Variants in PCLO observed in about 807,000 individuals in gnomAD.
PCLO encodes the protein piccolo presynaptic cytomatrix protein.
PCLO carries 82 observed loss-of-function variants against 427.5 expected under a neutral mutation model. The ratio of observed to expected loss-of-function variants is 0.19; its 90% confidence interval spans 0.16 to 0.23. The LOEUF (loss-of-function observed/expected upper bound fraction) is 0.23. Ranked by LOEUF, PCLO falls within the 10% of genes least tolerant of loss-of-function variation. The pLI is 1.00. For missense variants in PCLO, 6,239 were observed against 6,115.9 expected (o/e 1.02, Z -0.67); for synonymous variants, 2,357 against 2,155.4 (o/e 1.09, Z -2.59).
intron 3 of PCLO, among the ~76,000 whole-genome samples, chr7:83,045,790 A>G (rs578052276): frequency 6.6e-6 from 1 of 152,260 alleles, no homozygotes; most frequent in East Asian, 1.9e-4. Flanking sequence ...ATACTGCAAA[A>G]GAGGCAGACC....
rs139400607 is a variant in PCLO at position 83,052,055 on chromosome 7, T to TAAAAGTA, written c.3300+82188_3300+82194dup. 9.1e-3 allele frequency among the ~76,000 whole-genome samples: 1,377 copies of TAAAAGTA among 151,864 alleles called. 27 individuals carry two copies. The highest frequency in any genetic ancestry group is 0.031 in the African/African-American group (1,302 of 41,436). ...ATAACCCAAAAACAGATCAAAGACC[T>TAAAAGTA]AAAAGTAAAATGTAAAATGATAAAA... On this transcript the variant is annotated intron_variant, in intron 3 of 24. Coordinates refer to ENST00000333891, the MANE Select transcript of PCLO (RefSeq NM_033026.6).
intron 9 of PCLO, among the ~76,000 whole-genome samples, chr7:82,880,172 G>T (rs962000500): frequency 4.3e-4 from 66 of 152,044 alleles, no homozygotes; most frequent in African/African-American, 1.5e-3. Context: ...TTAAAAAATA[G>T]CTAAAAATTA....
chr7:83,135,915 T>C (rs978474686), intron 2 of PCLO, among the ~76,000 whole-genome samples: 2 of 151,826 alleles, frequency 1.3e-5, no homozygotes, highest in Non-Finnish European at 2.9e-5. Flanking sequence ...CTGACCAACA[T>C]AGTGAAACCC....
chr7:82,974,635 T>A (rs1795976359), intron 3 of PCLO, among the ~76,000 whole-genome samples: 1 of 152,182 alleles, frequency 6.6e-6, no homozygotes, highest in African/African-American at 2.4e-5. Context: ...GATAGCTATT[T>A]ATGTATTATA....
intron 6 of PCLO, among the ~76,000 whole-genome samples, chr7:82,929,355 A>G (rs1794788817): frequency 6.6e-6 from 1 of 152,188 alleles, no homozygotes; most frequent in African/African-American, 2.4e-5. Flanking sequence ...TAGAGGCAGT[A>G]TATAACTTAG....
At chr7:83,122,110 C>A in intron 3 of PCLO, among the ~76,000 whole-genome samples, 1 of 151,970 alleles carries the variant, frequency 6.6e-6, no homozygotes, top group Non-Finnish European at 1.5e-5. Flanking sequence ...ATTCAAGATA[C>A]CTCATGACAA....
At chr7:82,996,599 T>A (rs1787620715) in intron 3 of PCLO, among the ~76,000 whole-genome samples, 1 of 152,074 alleles carries the variant, frequency 6.6e-6, no homozygotes, top group South Asian at 2.1e-4. Context: ...ATAGCCCATT[T>A]GTAAGCCCTG....
At chr7:83,131,371 A>C (rs1791567935) in intron 3 of PCLO, among the ~76,000 whole-genome samples, 1 of 152,082 alleles carries the variant, frequency 6.6e-6, no homozygotes, top group South Asian at 2.1e-4. Context: ...ATGAGACAGG[A>C]AACAACCTTA....
At chr7:83,094,200 A>ATTTTTT (rs61624053) in intron 3 of PCLO, among the ~76,000 whole-genome samples, 1 of 107,890 alleles carries the variant, frequency 9.3e-6, no homozygotes, top group Non-Finnish European at 1.9e-5. Context: ...TTTGGGACTG[A>ATTTTTT]TTTTTTTTTC....
At chr7:83,076,210 T>A (rs759167003) in intron 3 of PCLO, among the ~76,000 whole-genome samples, 31 of 152,112 alleles carry the variant, frequency 2.0e-4, no homozygotes, top group Non-Finnish European at 3.5e-4. Flanking sequence ...TCTCATAATT[T>A]ATTCTTTCTA....
At chr7:83,047,790 C>T (rs1356616336) in intron 3 of PCLO, among the ~76,000 whole-genome samples, 5 of 152,044 alleles carry the variant, frequency 3.3e-5, no homozygotes, top group African/African-American at 9.7e-5. Context: ...CTCAAAGTCA[C>T]ATATGAATAA....
chr7:83,057,713 C>T lies in PCLO; in HGVS notation c.3300+76537G>A, dbSNP rs972884158. 1.6e-4 allele frequency among the ~76,000 whole-genome samples: 24 copies of T among 151,756 alleles called. No individual in the cohort carries two copies. The East Asian group carries it at 2.3e-3, about 15-fold the overall frequency. On this transcript the variant is annotated intron_variant, in intron 3 of 24. Coordinates refer to ENST00000333891, the MANE Select transcript of PCLO (RefSeq NM_033026.6). ...TATGATCTTATACCTACATCACGAC[C>T]GATCTATATACTTTACTTGAAACAT...
chr7:83,054,678 A>C (rs1384770340), intron 3 of PCLO, among the ~76,000 whole-genome samples: 1 of 152,038 alleles, frequency 6.6e-6, no homozygotes, highest in Non-Finnish European at 1.5e-5. Flanking sequence ...TTTACATAGT[A>C]AACCATCAGC....
In PCLO at chr7:83,071,724, CA is replaced by C. The variant is rs1478742313; in HGVS notation, c.3300+62525del. Among the ~76,000 whole-genome samples the C allele has an allele frequency of 1.8e-4, 28 of 152,132 alleles. 1 individual carries two copies. Among genetic ancestry groups the C allele is most frequent in the South Asian group, 1.5e-3 (7 of 4,816 alleles). On this transcript the variant is annotated intron_variant, in intron 3 of 24. Coordinates refer to ENST00000333891, the MANE Select transcript of PCLO (RefSeq NM_033026.6). ...TTCCGTGGGTGAGAGTGGGGAAGAA[CA>C]AAAGTTAGAAGGATATATATTTTTT... is the stretch of plus-strand genomic sequence containing the variant.
In PCLO at chr7:82,756,665, G is replaced by T. The variant is rs1202638264; in HGVS notation, c.*1910C>A. Reference sequence around the variant, plus strand: ...ATTCAATATCCAACCAATATCTAGAGTTGGTTTTCTCTAATTCCACTAACA... The same window carrying T: ...ATTCAATATCCAACCAATATCTAGATTTGGTTTTCTCTAATTCCACTAACA... On this transcript the variant is annotated 3_prime_UTR_variant, in exon 25 of 25. Coordinates refer to ENST00000333891, the MANE Select transcript of PCLO (RefSeq NM_033026.6). 2.0e-5 allele frequency: 3 copies of T among 151,880 alleles called. No homozygotes were observed. Among genetic ancestry groups the T allele is most frequent in the Non-Finnish European group, 4.4e-5 (3 of 67,966 alleles). The allele number at this position is 151,880 out of a possible 1,614,324, so 9.4% of individuals were successfully genotyped here. A position where few individuals can be genotyped will look rare whatever the true frequency, so the allele number is the denominator to read the frequency against.
intron 2 of PCLO, among the ~76,000 whole-genome samples, chr7:83,142,915 G>A (rs1353326315): frequency 6.6e-6 from 1 of 152,006 alleles, no homozygotes; most frequent in Non-Finnish European, 1.5e-5. Flanking sequence ...TTGAGATCAT[G>A]CCACTGCAAT....
intron 3 of PCLO, among the ~76,000 whole-genome samples, chr7:83,000,326 AT>A (rs1787789977): frequency 6.6e-6 from 1 of 151,258 alleles, no homozygotes; most frequent in Non-Finnish European, 1.5e-5. Context: ...AGAGTATAGA[AT>A]TCTATACTCT....
intron 3 of PCLO, among the ~76,000 whole-genome samples, chr7:83,044,178 A>C (rs2116227355): frequency 6.6e-6 from 1 of 152,064 alleles, no homozygotes; most frequent in African/African-American, 2.4e-5. Context: ...AAACCATTAT[A>C]TCTTGTGAGA....
In PCLO at chr7:83,038,025, A is replaced by ATATATATATTTATATT. The variant is rs1562932933; in HGVS notation, c.3301-71539_3301-71538insAATATAAATATATATA. Among the ~76,000 whole-genome samples the ATATATATATTTATATT allele has an allele frequency of 6.1e-4, 30 of 49,094 alleles. 4 individuals carry two copies. The highest frequency in any genetic ancestry group is 8.0e-4 in the Non-Finnish European group (25 of 31,438). 32.2% of individuals were successfully genotyped at this position (49,094 alleles called of 152,430 possible). A position where few individuals can be genotyped will look rare whatever the true frequency, so the allele number is the denominator to read the frequency against. ...TATATATATATATATATATATATAT[A>ATATATATATTTATATT]TATATTTATATATTTATATATATAT... On this transcript the variant is annotated intron_variant, in intron 3 of 24. Transcript: ENST00000333891.
Sources: gnomAD v4.1 joint callset for allele counts (sites outside exome capture counted in the v4.1 genomes callset) on GRCh38, gnomAD v4.1.1 for gene constraint, MANE v1.5 for transcripts, NCBI Gene and HGNC (gene_info 2026-07-23, HGNC 2026-07-21) for gene names.